PDE10A: variants seen among roughly 807,000 people sequenced by gnomAD.
The protein encoded by PDE10A is cAMP and cAMP-inhibited cGMP 3',5'-cyclic phosphodiesterase 10A.
PDE10A carries 39 observed loss-of-function variants against 97.7 expected under a neutral mutation model. The ratio of observed to expected loss-of-function variants is 0.40; its 90% confidence interval spans 0.31 to 0.52. The LOEUF is 0.52. Among genes scored for constraint, PDE10A ranks in the 20% least tolerant of loss-of-function variants. PDE10A has a pLI of 0.56. For synonymous variants in PDE10A, 371 were observed against 376.8 expected (o/e 0.98, Z 0.18); for missense variants, 731 against 1,047.8 (o/e 0.70, Z 4.17).
chr6:165,444,720 AC>A (rs1379671074), intron 5 of PDE10A, among the ~76,000 whole-genome samples: 1 of 151,958 alleles, frequency 6.6e-6, no homozygotes, highest in African/African-American at 2.4e-5. Flanking sequence ...TGTGAAAAAA[AC>A]ACATAGAACT....
At chr6:165,954,626 C>T (rs1187558099) in intron 1 of PDE10A, among the ~76,000 whole-genome samples, 1 of 152,152 alleles carries the variant, frequency 6.6e-6, no homozygotes, top group African/African-American at 2.4e-5. Context: ...CCCTCCTCAC[C>T]ACCTGTGCCG....
chr6:165,605,412 C>T (rs1175580489), intron 1 of PDE10A, among the ~76,000 whole-genome samples: 2 of 152,230 alleles, frequency 1.3e-5, no homozygotes, highest in African/African-American at 4.8e-5. Context: ...CAACTGTGCT[C>T]TGCACTGTTC....
At chr6:165,951,332 T>C (rs527606847) in intron 1 of PDE10A, among the ~76,000 whole-genome samples, 3 of 152,306 alleles carry the variant, frequency 2.0e-5, no homozygotes, top group African/African-American at 7.2e-5. Flanking sequence ...TTGAGTCTTG[T>C]AGAACTTCAA....
intron 1 of PDE10A, among the ~76,000 whole-genome samples, chr6:165,585,566 T>C (rs1184813800): frequency 6.6e-6 from 1 of 151,988 alleles, no homozygotes; most frequent in African/African-American, 2.4e-5. Flanking sequence ...GAGAATAGAA[T>C]GATGCTGCCA....
chr6:165,385,913 C>T (rs1385452680), intron 17 of PDE10A, among the ~76,000 whole-genome samples: 2 of 152,116 alleles, frequency 1.3e-5, no homozygotes, highest in African/African-American at 4.8e-5. Context: ...ATCCTTATTC[C>T]CAGCTTCTGT....
At chr6:165,336,864 T>C (rs1472434743) in intron 20 of PDE10A, among the ~76,000 whole-genome samples, 1 of 152,016 alleles carries the variant, frequency 6.6e-6, no homozygotes, top group African/African-American at 2.4e-5. Flanking sequence ...TCCTGTGTTA[T>C]CTCCAGTCAC....
intron 1 of PDE10A, among the ~76,000 whole-genome samples, chr6:165,884,429 C>T (rs907328145): frequency 2.2e-4 from 34 of 152,174 alleles, no homozygotes; most frequent in African/African-American, 8.0e-4. Flanking sequence ...GAGGAAGGCC[C>T]TGCCTGGGAC....
intron 1 of PDE10A, among the ~76,000 whole-genome samples, chr6:165,801,615 G>A (rs1778990405): frequency 6.6e-6 from 1 of 152,204 alleles, no homozygotes; most frequent in Non-Finnish European, 1.5e-5. Flanking sequence ...ATTAGGACAT[G>A]TTAATTGTCT....
intron 1 of PDE10A, among the ~76,000 whole-genome samples, chr6:165,917,541 C>G (rs1782640335): frequency 6.6e-6 from 1 of 152,206 alleles, no homozygotes; most frequent in Non-Finnish European, 1.5e-5. Flanking sequence ...AAGTCAGAAG[C>G]AGGGCAAATT....
chr6:165,809,809 C>G (rs910648591), intron 1 of PDE10A, among the ~76,000 whole-genome samples: 1 of 152,218 alleles, frequency 6.6e-6, no homozygotes, highest in Non-Finnish European at 1.5e-5. Flanking sequence ...AGCCCTGGAA[C>G]GGGCGGCATC....
intron 2 of PDE10A, among the ~76,000 whole-genome samples, chr6:165,527,937 T>C (rs985734213): frequency 1.1e-4 from 17 of 152,194 alleles, no homozygotes; most frequent in Non-Finnish European, 2.2e-4. Flanking sequence ...CAAAAGTGGA[T>C]AGCTGAGGCA....
At chr6:165,407,927 C>G (rs893685541) in intron 13 of PDE10A, among the ~76,000 whole-genome samples, 1 of 152,100 alleles carries the variant, frequency 6.6e-6, no homozygotes, top group South Asian at 2.1e-4. Context: ...CAATCAGAGA[C>G]GTTCCCCTTT....
intron 1 of PDE10A, among the ~76,000 whole-genome samples, chr6:165,960,761 G>T (rs189806239): frequency 1.3e-5 from 2 of 152,286 alleles, no homozygotes; most frequent in African/African-American, 4.8e-5. Flanking sequence ...GAGAAGCTGC[G>T]CATAGAGCAC....
At chr6:165,595,568 G>C (rs578158311) in intron 1 of PDE10A, among the ~76,000 whole-genome samples, 2 of 152,142 alleles carry the variant, frequency 1.3e-5, no homozygotes, top group African/African-American at 4.8e-5. Flanking sequence ...ACCCAGACTT[G>C]TGTCATAATA....
intron 13 of PDE10A, among the ~76,000 whole-genome samples, chr6:165,401,097 G>A (rs1359257312): frequency 6.6e-6 from 1 of 152,146 alleles, no homozygotes; most frequent in African/African-American, 2.4e-5. Context: ...TACTGATTAT[G>A]TTGATGGTTT....
chr6:165,479,326 C>T (rs748660972), intron 3 of PDE10A, among the ~76,000 whole-genome samples: 1 of 152,100 alleles, frequency 6.6e-6, no homozygotes, highest in Non-Finnish European at 1.5e-5. Context: ...GCTAGAAGAC[C>T]TAAATACCCC....
intron 3 of PDE10A, among the ~76,000 whole-genome samples, chr6:165,462,555 G>A (rs1009280794): frequency 8.5e-5 from 13 of 152,218 alleles, no homozygotes; most frequent in African/African-American, 2.9e-4. Flanking sequence ...TGCCGAGGAA[G>A]AGATTCTGGG....
chr6:165,409,031 G>T (rs1787475885), intron 13 of PDE10A, among the ~76,000 whole-genome samples: 1 of 150,498 alleles, frequency 6.6e-6, no homozygotes, highest in Non-Finnish European at 1.5e-5. Context: ...TGGGTGTAGT[G>T]GCGGGTGCCT....
intron 5 of PDE10A, among the ~76,000 whole-genome samples, chr6:165,444,614 T>A (rs1211847834): frequency 1.3e-5 from 2 of 152,126 alleles, no homozygotes; most frequent in Non-Finnish European, 2.9e-5. Context: ...GTAATTTTGT[T>A]ATAATCACAT....
Sources: gnomAD v4.1 joint callset for allele counts (sites outside exome capture counted in the v4.1 genomes callset) on GRCh38, gnomAD v4.1.1 for gene constraint, MANE v1.5 for transcripts, NCBI Gene and HGNC (gene_info 2026-07-23, HGNC 2026-07-21) for gene names.